The following ASPH variants were observed in gnomAD, a reference collection of about 807,000 sequenced individuals.
ASPH encodes aspartyl/asparaginyl beta-hydroxylase.
Under a neutral mutation model 118.4 loss-of-function variants are expected in ASPH, and 100 were observed. The observed-to-expected ratio is 0.84, with a 90% CI of 0.72 to 1.00. The LOEUF is 1.00. ASPH is among the 50% of genes least tolerant of loss of function. The pLI is 0.00. For synonymous variants in ASPH, 315 were observed against 325.6 expected (o/e 0.97, Z 0.35); for missense variants, 920 against 919.5 (o/e 1.00, Z -0.01).
At chr8:61,575,464 T>C (rs762584268) in intron 16 of ASPH, among the ~76,000 whole-genome samples, 11 of 152,174 alleles carry the variant, frequency 7.2e-5, no homozygotes, top group Non-Finnish European at 1.6e-4. Flanking sequence ...GCATATACAT[T>C]GGACTTACTT....
chr8:61,638,125 C>A, intron 11 of ASPH, 122 bp from the exon 12 acceptor site: 1 of 1,208,012 alleles, frequency 8.3e-7, no homozygotes, highest in South Asian at 1.4e-5. Context: ...CTAAATTTGA[C>A]TCTTTTTAAA....
chr8:61,637,226 G>C (rs1393148758), intron 12 of ASPH, among the ~76,000 whole-genome samples: 2 of 151,968 alleles, frequency 1.3e-5, no homozygotes, highest in Non-Finnish European at 2.9e-5. Flanking sequence ...CCCCCACGCA[G>C]AGTCACCCAC....
intron 1 of ASPH, among the ~76,000 whole-genome samples, chr8:61,694,251 T>A (rs1352073136): frequency 6.6e-6 from 1 of 152,172 alleles, no homozygotes; most frequent in Non-Finnish European, 1.5e-5. Context: ...CCTCGCACTC[T>A]GCACTGTCTC....
chr8:61,657,770 G>A (rs1287402762), intron 3 of ASPH: 1 of 152,132 alleles, frequency 6.6e-6, no homozygotes, highest in African/African-American at 2.4e-5. Context: ...TCTCCTAAGA[G>A]TTATAAGCAA....
intron 15 of ASPH, chr8:61,578,831 C>T: frequency 6.2e-7 from 1 of 1,611,868 alleles, no homozygotes. Context: ...ATGAAGCTTA[C>T]ATGAACAAGG....
At chr8:61,694,009 G>A (rs550550415) in intron 1 of ASPH, among the ~76,000 whole-genome samples, 6 of 152,212 alleles carry the variant, frequency 3.9e-5, no homozygotes, top group South Asian at 2.1e-4. Flanking sequence ...GCTGGGCCTC[G>A]GTGCTGCCTG....
At chr8:61,610,187 G>A (rs1846888525) in intron 14 of ASPH, among the ~76,000 whole-genome samples, 1 of 152,180 alleles carries the variant, frequency 6.6e-6, no homozygotes, top group Non-Finnish European at 1.5e-5. Context: ...TCCATGGGCA[G>A]CATTAGAATG....
At chr8:61,559,941 TGG>T (rs11345037) in intron 18 of ASPH, among the ~76,000 whole-genome samples, 100,315 of 151,890 alleles carry the variant, frequency 0.66, 34,949 homozygotes, top group Non-Finnish European at 0.76. Flanking sequence ...TGGTGAGGGT[TGG>T]GGGGGGGAGC....
intron 13 of ASPH, among the ~76,000 whole-genome samples, chr8:61,627,645 GA>G (rs1470715208): frequency 3.9e-5 from 6 of 152,142 alleles, no homozygotes; most frequent in Non-Finnish European, 1.5e-5. Flanking sequence ...GATTTGAGAG[GA>G]AGATACATTT....
At chr8:61,651,774 A>G (rs1032794614) in intron 4 of ASPH, among the ~76,000 whole-genome samples, 1 of 152,256 alleles carries the variant, frequency 6.6e-6, no homozygotes, top group African/African-American at 2.4e-5. Context: ...AACATAAATG[A>G]TGACATTCCA....
Position 61,580,392 on chromosome 8 carries a change from C to A in ASPH, c.1063-3534G>T, listed in dbSNP as rs182351106. The stretch of plus-strand genomic sequence containing the variant: ...TTGGACATCCAGGCAATTCAATACA[C>A]GTCCTCTGAAATCTAGGCAGAGGTT... On this transcript the variant is annotated intron_variant, in intron 15 of 24. Transcript: ENST00000379454. Among the ~76,000 whole-genome samples the A allele has an allele frequency of 2.6e-3, 392 of 152,346 alleles. 1 individual carries two copies. Among genetic ancestry groups the A allele is most frequent in the Middle Eastern group, 0.01 (3 of 294 alleles).
Position 61,619,019 on chromosome 8 carries a change from T to C in ASPH, c.935A>G (p.Glu312Gly), listed in dbSNP as rs1006478162. 63 of 1,601,150 alleles carry C rather than the reference T, an allele frequency of 3.9e-5. No individual in the cohort carries two copies. Among genetic ancestry groups the C allele is most frequent in the Non-Finnish European group, 5.3e-5 (62 of 1,169,840 alleles). Residue 312 changes from glutamate (E) to glycine (G), a missense_variant and splice_region_variant, in exon 14 of 25, where the codon GAA (glutamate) becomes GGA (glycine). Physicochemically the swap from Glu to Gly is moderately conservative, Grantham distance 98. Coordinates refer to ENST00000379454, the MANE Select transcript of ASPH (RefSeq NM_004318.4). ...TGGATCATCTGTTTTTCTATTTGTT[T>C]CTGAAAATTAAAGACAAAACATAGT... ...PVEEQQEVPP[E>G]TNRKTDDPEQ...
rs141012572 is a variant in ASPH at position 61,587,689 on chromosome 8, T to G, written c.977-3660A>C. ...ACAAAATATTAAAAATCTCACAGCA[T>G]GCCACCATGTTCTATCTTTTCATAT... is the stretch of plus-strand genomic sequence containing the variant. On this transcript the variant is annotated intron_variant, in intron 14 of 24. Coordinates refer to ENST00000379454, the MANE Select transcript of ASPH (RefSeq NM_004318.4). 1.3e-3 allele frequency among the ~76,000 whole-genome samples: 196 copies of G among 152,368 alleles called. 2 individuals are homozygous for G. The highest frequency in any genetic ancestry group is 4.2e-3 in the African/African-American group (174 of 41,582).
At chr8:61,663,823 G>T (rs1303833849) in intron 3 of ASPH, 1 of 981,430 alleles carries the variant, frequency 1.0e-6, no homozygotes, top group Non-Finnish European at 1.2e-6. Context: ...TCAACTAAAT[G>T]TCGTAAAGTA....
intron 24 of ASPH, among the ~76,000 whole-genome samples, chr8:61,512,762 T>C (rs1163390952): frequency 4.6e-5 from 7 of 152,194 alleles, no homozygotes; most frequent in Non-Finnish European, 7.3e-5. Context: ...GTAGAGTGCT[T>C]AGAGCTGTGT....
Position 61,714,303 on chromosome 8 carries a change from C to T in ASPH, c.69G>A (p.Thr23=). 1 of 1,522,446 alleles carries T rather than the reference C, an allele frequency of 6.6e-7. No homozygotes were observed. Among genetic ancestry groups the T allele is most frequent in the Non-Finnish European group, 8.8e-7 (1 of 1,136,068 alleles). The allele number at this position is 1,522,446 out of a possible 1,614,324, so 94.3% of individuals were successfully genotyped here. Residue 23 remains threonine (T), a synonymous_variant, in exon 1 of 25, where the codon ACG becomes ACA. Transcript: ENST00000379454. Reference sequence around the variant, plus strand: ...CCCCGGGGCTGCTGCTGCCCGCACTCGTGCTACCGCTGCCGGAGCCGCTGC... The same window carrying T: ...CCCCGGGGCTGCTGCTGCCCGCACTTGTGCTACCGCTGCCGGAGCCGCTGC... ...SSSSGSGSGS[T]SAGSSSPGAR... is the part of the protein sequence containing the mutation.
At chr8:61,696,424 C>T (rs1053090130) in intron 1 of ASPH, among the ~76,000 whole-genome samples, 1 of 152,202 alleles carries the variant, frequency 6.6e-6, no homozygotes, top group Admixed American at 6.5e-5. Flanking sequence ...CCCTAGCCCA[C>T]ACCTCTGTGC....
chr8:61,710,120 C>T (rs773145257), intron 1 of ASPH, among the ~76,000 whole-genome samples: 2 of 152,170 alleles, frequency 1.3e-5, no homozygotes, highest in Non-Finnish European at 2.9e-5. Flanking sequence ...CTGAGAAACA[C>T]AAAGCCATAT....
Position 61,548,178 on chromosome 8 carries a change from T to A in ASPH, c.1657A>T (p.Arg553Ter). ...AYKWYELGHK[R>*]GHFASVWQRS... The stretch of plus-strand genomic sequence containing the variant: ...TGCCAGACAGATGCAAAGTGTCCTC[T>A]CTTGTGCCCAAGCTCATACCACTTA... The change falls in exon 21 of 25, where the codon AGA (arginine) becomes TGA (stop). Residue 553 changes from arginine (R) to a stop codon, truncating the protein, a stop_gained. Coordinates refer to ENST00000379454, the MANE Select transcript of ASPH (RefSeq NM_004318.4). LOFTEE classifies it high-confidence loss of function. 6.2e-7 allele frequency: 1 copy of A among 1,613,918 alleles called. No individual in the cohort carries two copies. The highest frequency in any genetic ancestry group is 8.5e-7 in the Non-Finnish European group (1 of 1,179,854).
Sources: allele counts gnomAD v4.1 joint callset (sites outside exome capture counted in the v4.1 genomes callset), GRCh38; gene constraint gnomAD v4.1.1; transcripts MANE v1.5; gene names NCBI Gene and HGNC (gene_info 2026-07-23, HGNC 2026-07-21).